KSR1: variants seen among roughly 807,000 people sequenced by gnomAD.
KSR1 encodes the protein kinase suppressor of ras 1.
A neutral mutation model predicts 92.9 loss-of-function variants in KSR1; 35 were observed. The observed-to-expected ratio is 0.38, with a 90% CI of 0.29 to 0.50. The LOEUF (loss-of-function observed/expected upper bound fraction) is 0.50, where lower values mean the gene tolerates loss of function less well. Among genes scored for constraint, KSR1 ranks in the 20% least tolerant of loss-of-function variants. KSR1 has a pLI of 0.94. For synonymous variants in KSR1, 467 were observed against 472.6 expected, an observed-to-expected ratio of 0.99 and a Z score of 0.15; for missense variants, 972 against 1,158.5, an observed-to-expected ratio of 0.84 and a Z score of 2.34.
chr17:27,594,616 G>A (rs2073280289), intron 9 of KSR1, among the ~76,000 whole-genome samples: 1 of 152,152 alleles, frequency 6.6e-6, no homozygotes, highest in Non-Finnish European at 1.5e-5. Context: ...TGGCCCTCCA[G>A]GATCCCACTG....
chr17:27,526,094 TTCTC>T lies in KSR1; in HGVS notation c.232-24453_232-24450del, dbSNP rs59170484. On this transcript the variant is annotated intron_variant, in intron 1 of 20. Transcript: ENST00000644974. ...TCTCTTTCTTTCTTTCTTTCTTTCT[TTCTC>T]TCTCTCTCTCTCTCTCTCTCATGGT... Among the ~76,000 whole-genome samples, 29 of 118,402 alleles carry T rather than the reference TTCTC, an allele frequency of 2.4e-4. 1 individual carries two copies. The highest frequency in any genetic ancestry group is 8.6e-4 in the African/African-American group (24 of 27,880). The allele number at this position is 118,402 out of a possible 152,430, so 77.7% of individuals were successfully genotyped here. A position where few individuals can be genotyped will look rare whatever the true frequency, so the allele number is the denominator to read the frequency against.
At chr17:27,560,409 A>G (rs1379293172) in intron 2 of KSR1, 1 of 518,908 alleles carries the variant, frequency 1.9e-6, no homozygotes, top group Non-Finnish European at 3.8e-6. Context: ...TCCCCTGAAT[A>G]AGCTCTTACT....
chr17:27,528,533 G>T (rs1305025794), intron 1 of KSR1, among the ~76,000 whole-genome samples: 2 of 152,194 alleles, frequency 1.3e-5, no homozygotes, highest in South Asian at 2.1e-4. Flanking sequence ...TCCCAGGAGA[G>T]ACCTGTACTT....
chr17:27,593,086 C>T (rs2073222460), intron 9 of KSR1, among the ~76,000 whole-genome samples: 1 of 152,196 alleles, frequency 6.6e-6, no homozygotes, highest in African/African-American at 2.4e-5. Flanking sequence ...AAAGCAATTG[C>T]CATGGCAGCC....
At chr17:27,460,337 A>G (rs1352856760) in intron 1 of KSR1, among the ~76,000 whole-genome samples, 3 of 152,208 alleles carry the variant, frequency 2.0e-5, no homozygotes, top group African/African-American at 7.2e-5. Flanking sequence ...TTCCAGGGAC[A>G]TTGTGACTTG....
At chr17:27,472,257 G>A (rs530278306) in intron 1 of KSR1, among the ~76,000 whole-genome samples, 8 of 152,330 alleles carry the variant, frequency 5.3e-5, no homozygotes, top group African/African-American at 1.2e-4. Flanking sequence ...GTTTCTTCCC[G>A]TAGGATGGGG....
At chr17:27,478,243 G>A (rs564938268) in intron 1 of KSR1, among the ~76,000 whole-genome samples, 16 of 152,258 alleles carry the variant, frequency 1.1e-4, no homozygotes, top group African/African-American at 2.4e-4. Flanking sequence ...AACACAAACC[G>A]GTATAAAAGG....
At chr17:27,510,089 A>C (rs1747096965) in intron 1 of KSR1, among the ~76,000 whole-genome samples, 1 of 152,142 alleles carries the variant, frequency 6.6e-6, no homozygotes, top group Admixed American at 6.5e-5. Context: ...CTCTCTCTTC[A>C]CACAAGTTCA....
At chr17:27,597,137 G>A in intron 9 of KSR1, 131 bp from the exon 10 acceptor site, 1 of 1,020,424 alleles carries the variant, frequency 9.8e-7, no homozygotes, top group Non-Finnish European at 1.4e-6. Flanking sequence ...TGTTAGATGT[G>A]TAAAATGTCA....
rs1252150941 is a variant in KSR1 at position 27,577,924 on chromosome 17, G to T, written c.520+285G>T. The T allele has an allele frequency of 1.8e-6, 1 of 546,992 alleles. No individual in the cohort carries two copies. The highest frequency in any genetic ancestry group is 3.3e-6 in the Non-Finnish European group (1 of 300,742). 33.9% of individuals were successfully genotyped at this position (546,992 alleles called of 1,614,324 possible). A position where few individuals can be genotyped will look rare whatever the true frequency, so the allele number is the denominator to read the frequency against. On this transcript the variant is annotated intron_variant, in intron 3 of 20. Coordinates refer to ENST00000644974, the MANE Select transcript of KSR1 (RefSeq NM_001394583.1). The surrounding 1 kb of genome is among the most constrained non-coding windows in gnomAD (Gnocchi z 4.5). ...GCTGGCCTGGCATGGTTTCCTCTCT[G>T]TTGAGGGCTCTGTGTACCCTCTGCC...
chr17:27,526,668 AG>A, intron 1 of KSR1: 1 of 1,550,380 alleles, frequency 6.5e-7, no homozygotes, highest in Non-Finnish European at 8.9e-7. Flanking sequence ...TTGCTCATGT[AG>A]TTTTTATTGG....
At chr17:27,468,904 C>G (rs1461797591) in intron 1 of KSR1, among the ~76,000 whole-genome samples, 1 of 152,182 alleles carries the variant, frequency 6.6e-6, no homozygotes, top group African/African-American at 2.4e-5. Flanking sequence ...GGCCCCCAGA[C>G]CCAGCGGAAT....
At chr17:27,541,800 G>A (rs544905171) in intron 1 of KSR1, among the ~76,000 whole-genome samples, 1 of 152,298 alleles carries the variant, frequency 6.6e-6, no homozygotes, top group Admixed American at 6.5e-5. Context: ...AAGTCTTGTG[G>A]GTTTCACATG....
intron 1 of KSR1, among the ~76,000 whole-genome samples, chr17:27,486,882 C>T (rs1265774806): frequency 2.0e-5 from 3 of 152,210 alleles, no homozygotes; most frequent in Admixed American, 6.5e-5. Flanking sequence ...CAGCCTTTGA[C>T]AGGACATTCA....
At position 27,486,754 on chromosome 17, in the gene KSR1, G is replaced by A. The variant is rs532424309; in HGVS notation, c.231+29880G>A. ...GAGCTGTAGGAGGCACAAGCAAGGC[G>A]GGTGGTTTGGGGTTGGAGTGGCCTG... is the stretch of plus-strand genomic sequence containing the variant. On this transcript the variant is annotated intron_variant, in intron 1 of 20. Transcript: ENST00000644974. 3.7e-4 allele frequency among the ~76,000 whole-genome samples: 56 copies of A among 152,294 alleles called. 1 individual carries two copies. Among genetic ancestry groups the A allele is most frequent in the South Asian group, 1.4e-3 (7 of 4,832 alleles).
intron 5 of KSR1, chr17:27,585,908 C>G (rs2072949819): frequency 3.5e-6 from 2 of 563,406 alleles, no homozygotes; most frequent in South Asian, 4.3e-5. Flanking sequence ...CATCTCAGCC[C>G]ACAGGCAGCC....
chr17:27,460,620 G>T (rs1409456700), intron 1 of KSR1, among the ~76,000 whole-genome samples: 1 of 152,146 alleles, frequency 6.6e-6, no homozygotes, highest in Non-Finnish European at 1.5e-5. Context: ...CCCTGGAGCC[G>T]CAGGGGGTCA....
chr17:27,597,963 T>TG lies in KSR1; in HGVS notation c.1468+529dup, dbSNP rs1414690884. ...TTGGAATTAGGTTGTTCCCATTGTG[T>TG]GGATGAAGACACTGAGTCCCACAGG... On this transcript the variant is annotated intron_variant, in intron 10 of 20. Transcript: ENST00000644974. Among the ~76,000 whole-genome samples the TG allele has an allele frequency of 2.0e-5, 3 of 152,298 alleles. No individual in the cohort carries two copies. The East Asian group carries it at 5.8e-4, about 29-fold the overall frequency.
chr17:27,554,707 C>T (rs1190863169), intron 2 of KSR1, among the ~76,000 whole-genome samples: 1 of 152,162 alleles, frequency 6.6e-6, no homozygotes, highest in East Asian at 1.9e-4. Context: ...GAATAAAGTG[C>T]ATGATAAATG....
Sources: allele counts gnomAD v4.1 joint callset (sites outside exome capture counted in the v4.1 genomes callset), GRCh38; gene constraint gnomAD v4.1.1; non-coding constraint Gnocchi (gnomAD v3.1); transcripts MANE v1.5; gene names NCBI Gene and HGNC (gene_info 2026-07-23, HGNC 2026-07-21).